Variants in CMYA5 observed in about 807,000 individuals in gnomAD.
CMYA5 encodes cardiomyopathy-associated protein 5.
In CMYA5, 246 loss-of-function variants were observed where a neutral mutation model predicts 318.9. The ratio of observed to expected loss-of-function variants is 0.77; its 90% confidence interval spans 0.70 to 0.86. The LOEUF is 0.86. CMYA5 is among the 40% of genes least tolerant of loss of function. The pLI is 0.00. For missense variants in CMYA5, 4,589 were observed against 4,678.2 expected (o/e 0.98, Z 0.56); for synonymous variants, 1,641 against 1,729.5 (o/e 0.95, Z 1.27).
chr5:79,789,480 A>G (rs759148215), intron 10 of CMYA5, among the ~76,000 whole-genome samples: 2 of 151,988 alleles, frequency 1.3e-5, no homozygotes, highest in African/African-American at 2.4e-5. Context: ...GCTAGAGTGA[A>G]GTGGCATGAT....
chr5:79,738,877 TGAA>T lies in CMYA5; in HGVS notation c.10113_10115del (p.Asn3372del), dbSNP rs754117843. ...GGAAATGCAAGTCCAGAGGTCAATC[TGAA>T]TGTCCCAGTACAAGTGTCCTTCCCG... On this transcript the variant is annotated inframe_deletion, in exon 2 of 13. Coordinates refer to ENST00000446378, the MANE Select transcript of CMYA5 (RefSeq NM_153610.5). 26 of 1,613,908 alleles carry T rather than the reference TGAA, an allele frequency of 1.6e-5. No homozygotes were observed. In the South Asian group the frequency reaches 2.9e-4, roughly 18 times the overall value.
rs199989455 is a variant in CMYA5, at chr5:79,763,153, G to A, written c.11499G>A (p.Thr3833=). The A allele has an allele frequency of 8.7e-5, 137 of 1,575,654 alleles. 1 individual carries two copies. In the African/African-American group the frequency reaches 1.7e-3, roughly 20 times the overall value. Residue 3833 remains threonine, a synonymous_variant, in exon 9 of 13, where the codon ACG becomes ACA. Transcript: ENST00000446378. ...GGCGGCCCACCACCCCAGAGGCCACGGAGACCTACACTCTGGAGTACTGCA... is the reference window on the plus strand; with the variant it reads ...GGCGGCCCACCACCCCAGAGGCCACAGAGACCTACACTCTGGAGTACTGCA... The part of the protein sequence containing the change: ...IRWRPTTPEA[T]ETYTLEYCRQ...
chr5:79,721,108 ATGTT>A (rs1318271674), intron 1 of CMYA5, among the ~76,000 whole-genome samples: 18 of 152,328 alleles, frequency 1.2e-4, no homozygotes, highest in African/African-American at 3.8e-4. Context: ...TCAAAGATGT[ATGTT>A]GTAATTTCCA....
Position 79,735,311 on chromosome 5 carries a change from G to A in CMYA5, c.6546G>A (p.Met2182Ile). ...KKGISSFKSWMSSLFFGSSTP... is the reference protein window; with the variant it reads ...KKGISSFKSWISSLFFGSSTP... ...GAATTTCATCTTTCAAATCGTGGAT[G>A]TCCAGCTTGTTTTTTGGATCGAGCA... The change falls in exon 2 of 13, where the codon ATG (methionine) becomes ATA (isoleucine). Residue 2182 changes from methionine to isoleucine, a missense_variant. Met to Ile is a conservative substitution (Grantham distance 10, BLOSUM62 1). Around this residue, in one of 3 missense-constraint regions of CMYA5, gnomAD observed 2,431 missense variants for 2,495.1 expected, o/e 0.97. Coordinates refer to ENST00000446378, the MANE Select transcript of CMYA5 (RefSeq NM_153610.5). The A allele has an allele frequency of 6.2e-7, 1 of 1,613,828 alleles. No individual in the cohort carries two copies. The highest frequency in any genetic ancestry group is 8.5e-7 in the Non-Finnish European group (1 of 1,179,812).
At chr5:79,702,995 A>T (rs1172565790) in intron 1 of CMYA5, among the ~76,000 whole-genome samples, 1 of 152,124 alleles carries the variant, frequency 6.6e-6, no homozygotes. Flanking sequence ...CTTCACTAGG[A>T]GAGTATCTGG....
At position 79,788,963 on chromosome 5, in the gene CMYA5, G is replaced by T. The variant is rs1829126316; in HGVS notation, c.11556-8G>T. ...TGTTTAAAATTATTATTTTCCTCTT[G>T]TATTTAGATCTTTCTCTGGAATCAA... is the stretch of plus-strand genomic sequence containing the variant. On this transcript the variant is annotated splice_region_variant and splice_polypyrimidine_tract_variant and intron_variant, in intron 9 of 12. Coordinates refer to ENST00000446378, the MANE Select transcript of CMYA5 (RefSeq NM_153610.5). The T allele has an allele frequency of 1.2e-6, 2 of 1,612,040 alleles. No individual in the cohort carries two copies. Among genetic ancestry groups the T allele is most frequent in the Non-Finnish European group, 1.7e-6 (2 of 1,178,866 alleles).
At chr5:79,762,033 G>A (rs1828663203) in intron 8 of CMYA5, 76 bp downstream of exon 8, 1 of 1,471,124 alleles carries the variant, frequency 6.8e-7, no homozygotes, top group Non-Finnish European at 9.1e-7. Flanking sequence ...CAGCCAGTAA[G>A]TGTTTATTAA....
rs998394493 is a variant in CMYA5 at position 79,735,777 on chromosome 5, C to T, written c.7012C>T (p.Pro2338Ser). The stretch of plus-strand genomic sequence containing the variant: ...GGAAGAAGCCAAAACTATTGTTCCT[C>T]CTCATGTTACTGATAGTAAAAGAGT... ...VMEEAKTIVP[P>S]HVTDSKRVQK... Residue 2338 changes from proline (P) to serine (S), a missense_variant, in exon 2 of 13, where the codon CCT becomes TCT. Pro to Ser is a moderately conservative substitution (Grantham distance 74). Transcript: ENST00000446378. The T allele has an allele frequency of 1.9e-6, 3 of 1,564,614 alleles. No homozygotes were observed. Among genetic ancestry groups the T allele is most frequent in the Non-Finnish European group, 2.6e-6 (3 of 1,162,974 alleles).
chr5:79,772,852 A>T (rs1828878502), intron 9 of CMYA5, among the ~76,000 whole-genome samples: 1 of 152,184 alleles, frequency 6.6e-6, no homozygotes, highest in Non-Finnish European at 1.5e-5. Context: ...ACACGGTCCG[A>T]TGCTTCAAAA....
At chr5:79,753,993 T>C (rs1828481038) in intron 6 of CMYA5, among the ~76,000 whole-genome samples, 1 of 152,216 alleles carries the variant, frequency 6.6e-6, no homozygotes, top group African/African-American at 2.4e-5. Flanking sequence ...CAATACTTAA[T>C]GGGCAATGAG....
Position 79,735,932 on chromosome 5 carries a change from A to G in CMYA5, c.7167A>G (p.Lys2389=), listed in dbSNP as rs1368808783. 1.9e-6 allele frequency: 3 copies of G among 1,609,964 alleles called. No individual in the cohort carries two copies. The highest frequency in any genetic ancestry group is 2.5e-6 in the Non-Finnish European group (3 of 1,178,814). The change falls in exon 2 of 13, where the codon AAA becomes AAG. Residue 2389 remains lysine (K), a synonymous_variant. Transcript: ENST00000446378. ...DVVDKVPQQP[K]SASSNFASKN... is the part of the protein sequence containing the mutation. ...TAGATAAGGTGCCACAACAGCCAAAATCAGCTTCCTCCAACTTTGCAAGTA... is the reference window on the plus strand; with the variant it reads ...TAGATAAGGTGCCACAACAGCCAAAGTCAGCTTCCTCCAACTTTGCAAGTA...
At chr5:79,799,176 G>A (rs997473370) in intron 12 of CMYA5, among the ~76,000 whole-genome samples, 194 bp from the exon 13 acceptor site, 5 of 152,174 alleles carry the variant, frequency 3.3e-5, no homozygotes, top group African/African-American at 7.2e-5. Flanking sequence ...TATTAAACAT[G>A]CTCATCTGTT....
rs1827906555 is a variant in CMYA5, at chr5:79,731,650, C to G, written c.2885C>G (p.Thr962Ser). The G allele has an allele frequency of 3.1e-6, 5 of 1,613,882 alleles. No individual in the cohort carries two copies. Among genetic ancestry groups the G allele is most frequent in the Non-Finnish European group, 4.2e-6 (5 of 1,179,828 alleles). The change falls in exon 2 of 13, where the codon ACC (threonine) becomes AGC (serine). Residue 962 changes from threonine to serine, a missense_variant. Thr to Ser is a moderately conservative substitution (Grantham distance 58, BLOSUM62 1). Around this residue, in one of 3 missense-constraint regions of CMYA5, gnomAD observed 2,132 missense variants for 2,131.3 expected, o/e 1.00. Transcript: ENST00000446378. ...GAATTCTCATTTCCACCGTATGCAA[C>G]CCAGGAAGCAGAGAAAAGAGAATTT... The part of the protein sequence containing the change: ...VSEFSFPPYA[T>S]QEAEKREFEC...
Position 79,729,445 on chromosome 5 carries a change from A to G in CMYA5, c.680A>G (p.Tyr227Cys). 6.2e-7 allele frequency: 1 copy of G among 1,612,980 alleles called. No individual in the cohort carries two copies. Residue 227 changes from tyrosine to cysteine, a missense_variant, in exon 2 of 13, where the codon TAT (tyrosine) becomes TGT (cysteine). Coordinates refer to ENST00000446378, the MANE Select transcript of CMYA5 (RefSeq NM_153610.5). ...LRPVYIGTVQYKIKMFNSVKE... is the reference protein window; with the variant it reads ...LRPVYIGTVQCKIKMFNSVKE... ...CCAGTCTACATAGGAACAGTACAAT[A>G]TAAAATTAAGATGTTTAATTCGGTT...
intron 1 of CMYA5, among the ~76,000 whole-genome samples, chr5:79,713,173 T>C (rs901901825): frequency 6.6e-6 from 1 of 152,190 alleles, no homozygotes; most frequent in Non-Finnish European, 1.5e-5. Context: ...AGCTATTACA[T>C]ATCTGAAGAC....
At chr5:79,747,896 C>A (rs1191048980) in intron 5 of CMYA5, among the ~76,000 whole-genome samples, 1 of 151,992 alleles carries the variant, frequency 6.6e-6, no homozygotes, top group East Asian at 1.9e-4. Context: ...TACTTCCATC[C>A]CAATTCAAAT....
intron 6 of CMYA5, among the ~76,000 whole-genome samples, chr5:79,754,716 AG>A (rs1288488092): frequency 6.6e-6 from 1 of 152,080 alleles, no homozygotes; most frequent in African/African-American, 2.4e-5. Context: ...TTAATTGTAC[AG>A]TTTAGTGGCA....
intron 12 of CMYA5, among the ~76,000 whole-genome samples, chr5:79,794,972 C>T (rs551503975): frequency 6.6e-6 from 1 of 152,274 alleles, no homozygotes; most frequent in East Asian, 1.9e-4. Context: ...ACTCAGTTTA[C>T]AGTTAGTAGA....
At chr5:79,787,931 C>T (rs1829108755) in intron 9 of CMYA5, among the ~76,000 whole-genome samples, 1 of 145,504 alleles carries the variant, frequency 6.9e-6, no homozygotes, top group African/African-American at 2.6e-5. Context: ...TAGAAATAAC[C>T]TGGAAAAAAA....
Sources: gnomAD v4.1 joint callset for allele counts (sites outside exome capture counted in the v4.1 genomes callset) on GRCh38, gnomAD v4.1.1 for gene constraint, gnomAD v4.1.1 regional missense constraint, MANE v1.5 for transcripts, NCBI Gene and HGNC (gene_info 2026-07-23, HGNC 2026-07-21) for gene names.